PTCH1: variants seen among roughly 807,000 people sequenced by gnomAD.
PTCH1 encodes the protein protein patched homolog 1.
In PTCH1, 14 loss-of-function variants were observed where a neutral mutation model predicts 144.6. That is an observed-to-expected ratio of 0.10 (90% confidence interval 0.06 to 0.15). PTCH1 has a LOEUF of 0.15. Among genes scored for constraint, PTCH1 ranks in the 10% least tolerant of loss-of-function variants. PTCH1 has a pLI of 1.00. For synonymous variants in PTCH1, 833 were observed against 793.6 expected, an observed-to-expected ratio of 1.05 and a Z score of -0.83; for missense variants, 1,623 against 1,948.3, an observed-to-expected ratio of 0.83 and a Z score of 3.14.
chr9:95,508,680 G>C lies in PTCH1; in HGVS notation c.-319C>G. The C allele has an allele frequency of 1.0e-6, 1 of 987,336 alleles. No homozygotes were observed. Among genetic ancestry groups the C allele is most frequent in the Non-Finnish European group, 1.2e-6 (1 of 831,358 alleles). The allele number at this position is 987,336 out of a possible 1,614,324, so 61.2% of individuals were successfully genotyped here. A position where few individuals can be genotyped will look rare whatever the true frequency, so the allele number is the denominator to read the frequency against. ...CCAGTTCGCGGAAGAGCGAGAGCCG[G>C]CGCGCCGAGCGAGCCTGTCCTTCGG... is the stretch of plus-strand genomic sequence containing the variant. On this transcript the variant is annotated 5_prime_UTR_variant, in exon 1 of 24. Transcript: ENST00000331920.
Position 95,444,341 on chromosome 9 carries a change from A to T in PTCH1, c.*2052T>A, listed in dbSNP as rs1837702984. 6.6e-6 allele frequency: 1 copy of T among 152,376 alleles called. No individual in the cohort carries two copies. Among genetic ancestry groups the T allele is most frequent in the Admixed American group, 6.5e-5 (1 of 15,280 alleles). The allele number at this position is 152,376 out of a possible 1,614,324, so 9.4% of individuals were successfully genotyped here. Reference sequence around the variant, plus strand: ...AGGAAGGGAGCGAGGGCACGCCAGGAGCCAGAGGGAAGTCGACTTCAGAAT... The same window carrying T: ...AGGAAGGGAGCGAGGGCACGCCAGGTGCCAGAGGGAAGTCGACTTCAGAAT... On this transcript the variant is annotated 3_prime_UTR_variant, in exon 24 of 24. Coordinates refer to ENST00000331920, the MANE Select transcript of PTCH1 (RefSeq NM_000264.5).
intron 15 of PTCH1, among the ~76,000 whole-genome samples, chr9:95,462,777 G>A (rs1839614034): frequency 6.6e-6 from 1 of 152,234 alleles, no homozygotes; most frequent in South Asian, 2.1e-4. Flanking sequence ...CGGGGAGGGG[G>A]AGGAAAGAGC....
At position 95,467,275 on chromosome 9, in the gene PTCH1, A is replaced by G. The variant is rs2117963615; in HGVS notation, c.2401T>C (p.Tyr801His). 1.2e-6 allele frequency: 2 copies of G among 1,614,240 alleles called. No individual in the cohort carries two copies. The highest frequency in any genetic ancestry group is 1.7e-6 in the Non-Finnish European group (2 of 1,180,044). Residue 801 changes from tyrosine to histidine, a missense_variant, in exon 15 of 24, where the codon TAC (tyrosine) becomes CAC (histidine). By Grantham distance (83) the Tyr-to-His change is moderately conservative. Coordinates refer to ENST00000331920, the MANE Select transcript of PTCH1 (RefSeq NM_000264.5). Reference protein sequence around the residue: ...IAAQFKYFSFYNMYIVTQKAD... With the variant: ...IAAQFKYFSFHNMYIVTQKAD... Reference sequence around the variant, plus strand: ...TTCTGGGTGACTATATACATGTTGTAGAAAGAAAAGTATTTGAATTGTGCA... The same window carrying G: ...TTCTGGGTGACTATATACATGTTGTGGAAAGAAAAGTATTTGAATTGTGCA...
chr9:95,496,008 T>C (rs1487392868), intron 2 of PTCH1, among the ~76,000 whole-genome samples: 2 of 152,182 alleles, frequency 1.3e-5, no homozygotes, highest in African/African-American at 2.4e-5. Flanking sequence ...CAAAGCCGTA[T>C]CTGTTATATT....
At chr9:95,505,969 C>T (rs1843567937) in intron 2 of PTCH1, among the ~76,000 whole-genome samples, 1 of 147,802 alleles carries the variant, frequency 6.8e-6, no homozygotes, top group African/African-American at 2.4e-5. Flanking sequence ...TCTGGCTCTC[C>T]CCGACTCCTT....
intron 15 of PTCH1, among the ~76,000 whole-genome samples, chr9:95,466,284 T>C (rs976683814): frequency 6.6e-6 from 1 of 152,148 alleles, no homozygotes; most frequent in Non-Finnish European, 1.5e-5. Flanking sequence ...TGACCTCAGG[T>C]GATCTGCCCG....
At chr9:95,469,270 G>A (rs942082507) in intron 13 of PTCH1, 117 bp from the exon 14 acceptor site, 3 of 1,344,486 alleles carry the variant, frequency 2.2e-6, no homozygotes, top group African/African-American at 1.4e-5. Context: ...TGACTTAGGA[G>A]AGAAACATCA....
Position 95,449,086 on chromosome 9 carries a change from C to A in PTCH1, c.3787G>T (p.Val1263Phe), listed in dbSNP as rs752831580. Residue 1263 changes from valine to phenylalanine, a missense_variant, in exon 22 of 24, where the codon GTC becomes TTC. By Grantham distance (50) the Val-to-Phe change is conservative. Transcript: ENST00000331920. The surrounding 1 kb of genome is among the most constrained non-coding windows in gnomAD (Gnocchi z 5.3). ...QVIVEATENP[V>F]FAHSTVVHPE... is the part of the protein sequence containing the mutation. The stretch of plus-strand genomic sequence containing the variant: ...TCACTTACAGTGGAGTGGGCGAAGA[C>A]GGGGTTTTCTGTGGCTTCCACGATC... 6.2e-7 allele frequency: 1 copy of A among 1,614,234 alleles called. No individual in the cohort carries two copies. The highest frequency in any genetic ancestry group is 8.5e-7 in the Non-Finnish European group (1 of 1,180,048).
intron 20 of PTCH1, 158 bp downstream of exon 20, chr9:95,453,320 T>C: frequency 1.9e-6 from 2 of 1,051,858 alleles, no homozygotes; most frequent in Non-Finnish European, 2.8e-6. Context: ...TGAGTGGAGA[T>C]GAGTTTCACC....
rs1472299295 is a variant in PTCH1, at chr9:95,458,216, C to T, written c.2965G>A (p.Glu989Lys). ...NGLRDTSDFV[E>K]AIEKVRTICS... ...ATGGTCCTTACTTTTTCAATTGCCT[C>T]CACAAAGTCTGAGGTGTCCCGCAAG... is the stretch of plus-strand genomic sequence containing the variant. The change falls in exon 18 of 24, where the codon GAG becomes AAG. Residue 989 changes from glutamate to lysine, a missense_variant. By Grantham distance (56) the Glu-to-Lys change is moderately conservative (BLOSUM62 1). Transcript: ENST00000331920. This position sits in a 1 kb window ranked among gnomAD's most constrained non-coding sequence, Gnocchi z 4.7. The T allele has an allele frequency of 1.9e-5, 30 of 1,614,108 alleles. No individual in the cohort carries two copies. Among genetic ancestry groups the T allele is most frequent in the Non-Finnish European group, 2.5e-5 (30 of 1,180,026 alleles).
At chr9:95,487,344 A>G (rs1278668534) in intron 2 of PTCH1, among the ~76,000 whole-genome samples, 1 of 152,232 alleles carries the variant, frequency 6.6e-6, no homozygotes, top group Non-Finnish European at 1.5e-5. Flanking sequence ...AAAACTTTGA[A>G]AAATGCCAGG....
intron 12 of PTCH1, among the ~76,000 whole-genome samples, chr9:95,475,619 C>T (rs1026083226): frequency 5.3e-5 from 8 of 152,086 alleles, no homozygotes; most frequent in Non-Finnish European, 1.0e-4. Flanking sequence ...AAAAGGTAGC[C>T]TGTTTGGGAT....
intron 2 of PTCH1, among the ~76,000 whole-genome samples, chr9:95,503,890 C>T (rs914833997): frequency 8.7e-6 from 1 of 115,210 alleles, no homozygotes; most frequent in Non-Finnish European, 1.7e-5. Flanking sequence ...GTGGCGGGCG[C>T]CTGTAGTCCC....
At chr9:95,461,255 T>G (rs1253833817) in intron 16 of PTCH1, among the ~76,000 whole-genome samples, 1 of 152,110 alleles carries the variant, frequency 6.6e-6, no homozygotes, top group East Asian at 1.9e-4. Context: ...CGGTTATTAC[T>G]GCAGGAGTGA....
At chr9:95,486,608 C>T (rs1047055287) in intron 2 of PTCH1, among the ~76,000 whole-genome samples, 2 of 152,246 alleles carry the variant, frequency 1.3e-5, no homozygotes, top group Non-Finnish European at 2.9e-5. Flanking sequence ...CTGCCCAGGC[C>T]GAGAAGTCCT....
rs1204731866 is a variant in PTCH1, at chr9:95,468,760, T to C, written c.2241A>G (p.Pro747=). ...EKHYAPFLLK[P]KAKVVVIFLF... ...AGTTGTGGCAGATTACCTTGGCTTT[T>C]GGTTTCAAGAGGAAAGGAGCATAGT... is the stretch of plus-strand genomic sequence containing the variant. Residue 747 remains proline (P), a synonymous_variant, in exon 14 of 24, where the codon CCA becomes CCG. Transcript: ENST00000331920. 5.6e-6 allele frequency: 9 copies of C among 1,614,190 alleles called. No individual in the cohort carries two copies. The highest frequency in any genetic ancestry group is 1.7e-6 in the Non-Finnish European group (2 of 1,180,032).
At chr9:95,473,757 T>C (rs1451474429) in intron 12 of PTCH1, among the ~76,000 whole-genome samples, 1 of 152,036 alleles carries the variant, frequency 6.6e-6, no homozygotes, top group Non-Finnish European at 1.5e-5. Context: ...TTGGCCAGGA[T>C]GGTCTCGATC....
intron 15 of PTCH1, among the ~76,000 whole-genome samples, chr9:95,466,527 T>C (rs1840014911): frequency 6.6e-6 from 1 of 152,102 alleles, no homozygotes; most frequent in Admixed American, 6.6e-5. Context: ...ATCCCTCTGG[T>C]GCGGGATGTT....
intron 2 of PTCH1, among the ~76,000 whole-genome samples, chr9:95,490,519 T>TCACACACACACACACACACACA (rs536111739): frequency 8.3e-6 from 1 of 119,830 alleles, no homozygotes; most frequent in African/African-American, 3.4e-5. Flanking sequence ...ACCTTCTATG[T>TCACACACACACACACACACACA]GACACACACA....
Sources: allele counts gnomAD v4.1 joint callset (sites outside exome capture counted in the v4.1 genomes callset), GRCh38; gene constraint gnomAD v4.1.1; non-coding constraint Gnocchi (gnomAD v3.1); transcripts MANE v1.5; gene names NCBI Gene and HGNC (gene_info 2026-07-23, HGNC 2026-07-21).